Variants in KIF1A observed in about 807,000 individuals in gnomAD.
KIF1A encodes kinesin-like protein KIF1A.
A neutral mutation model predicts 227.3 loss-of-function variants in KIF1A; 46 were observed. That is an observed-to-expected ratio of 0.20 (90% confidence interval 0.16 to 0.26). The LOEUF is 0.26. KIF1A is among the 10% of genes least tolerant of loss of function. The pLI, the probability that KIF1A is intolerant of heterozygous loss-of-function variation, is 1.00. For synonymous variants in KIF1A, 1,022 were observed against 1,012.8 expected, an observed-to-expected ratio of 1.01 and a Z score of -0.17; for missense variants, 1,683 against 2,485.9, an observed-to-expected ratio of 0.68 and a Z score of 6.87.
rs886219537 is a variant in KIF1A, at chr2:240,736,278, T to C, written c.4007+785A>G. Among the ~76,000 whole-genome samples, 3 of 152,072 alleles carry C rather than the reference T, an allele frequency of 2.0e-5. No homozygotes were observed. Among genetic ancestry groups the C allele is most frequent in the Non-Finnish European group, 4.4e-5 (3 of 67,980 alleles). On this transcript the variant is annotated intron_variant, in intron 38 of 48. Transcript: ENST00000498729. This position sits in a 1 kb window ranked among gnomAD's most constrained non-coding sequence, Gnocchi z 4.7. The stretch of plus-strand genomic sequence containing the variant: ...GCTCTGAGGGTCCACTCTGGGCTTG[T>C]GCATCATGAGCCAGGTCGAGCCCCC...
In KIF1A at chr2:240,773,231, G is replaced by A. The variant is rs1225233710; in HGVS notation, c.1063C>T (p.Arg355Cys). The change falls in exon 13 of 49, where the codon CGC (arginine) becomes TGC (cysteine). Residue 355 changes from arginine (R) to cysteine (C), a missense_variant. This residue lies in a region of KIF1A where 15 missense variants were observed against 78.3 expected (regional missense o/e 0.19). Transcript: ENST00000498729. ...TCCTCATTGATGACAGCATTGCAGC[G>A]GATCTGCTTGGCCCGGTCAGCATAC... ...LRYADRAKQIRCNAVINEDPN... is the reference protein window; with the variant it reads ...LRYADRAKQICCNAVINEDPN... 7.4e-6 allele frequency: 12 copies of A among 1,613,802 alleles called. No individual in the cohort carries two copies. The highest frequency in any genetic ancestry group is 1.1e-5 in the South Asian group (1 of 91,084).
chr2:240,728,148 T>C (rs924404581), intron 38 of KIF1A, among the ~76,000 whole-genome samples: 1 of 152,276 alleles, frequency 6.6e-6, no homozygotes, highest in East Asian at 1.9e-4. Context: ...CTGCCCTGTC[T>C]ACTGCACACA....
chr2:240,781,838 C>G (rs149850515), intron 10 of KIF1A: 17,492 of 985,390 alleles, frequency 0.018, 163 homozygotes, highest in South Asian at 0.029. Context: ...CCCACTCAGT[C>G]CACACGCCTT....
Position 240,737,099 on chromosome 2 carries a change from A to G in KIF1A, c.3971T>C (p.Leu1324Pro), listed in dbSNP as rs370590820. 1 of 1,613,354 alleles carries G rather than the reference A, an allele frequency of 6.2e-7. No homozygotes were observed. Among genetic ancestry groups the G allele is most frequent in the African/African-American group, 1.3e-5 (1 of 74,806 alleles). ...IDPNILSLNILSSGYIHPAQD... is the reference protein window; with the variant it reads ...IDPNILSLNIPSSGYIHPAQD... Reference sequence around the variant, plus strand: ...GGCTGGGTGGATGTATCCGGAAGAGAGGATGTTGAGAGACAAGATGTTGGG... The same window carrying G: ...GGCTGGGTGGATGTATCCGGAAGAGGGGATGTTGAGAGACAAGATGTTGGG... Residue 1324 changes from leucine (L) to proline (P), a missense_variant, in exon 38 of 49, where the codon CTC becomes CCC. Coordinates refer to ENST00000498729, the MANE Select transcript of KIF1A (RefSeq NM_001244008.2).
At chr2:240,746,807 G>A (rs747333467) in intron 29 of KIF1A, among the ~76,000 whole-genome samples, 1 of 152,234 alleles carries the variant, frequency 6.6e-6, no homozygotes, top group African/African-American at 2.4e-5. Context: ...CATGAGGACC[G>A]CAGGTAGGCA....
intron 38 of KIF1A, among the ~76,000 whole-genome samples, chr2:240,733,031 G>A (rs1351219765): frequency 1.5e-5 from 2 of 134,300 alleles, no homozygotes; most frequent in Non-Finnish European, 3.2e-5. Context: ...GGAGGGATGA[G>A]GGGGAATGAG....
chr2:240,797,191 T>C (rs904833158), intron 2 of KIF1A, among the ~76,000 whole-genome samples: 3 of 152,196 alleles, frequency 2.0e-5, no homozygotes, highest in Non-Finnish European at 4.4e-5. Flanking sequence ...GGGAAACATA[T>C]GGGTGTCCTT....
chr2:240,775,238 C>T lies in KIF1A; in HGVS notation c.958+613G>A, dbSNP rs767321451. On this transcript the variant is annotated intron_variant, in intron 11 of 48. Transcript: ENST00000498729. This position sits in a 1 kb window ranked among gnomAD's most constrained non-coding sequence, Gnocchi z 5.5. ...CAGGGCTCTGCACACCTCAGCCATG[C>T]GGCTGAGGGAGGCCAGGGACCCCCA... is the stretch of plus-strand genomic sequence containing the variant. Among the ~76,000 whole-genome samples the T allele has an allele frequency of 3.9e-5, 6 of 152,166 alleles. No individual in the cohort carries two copies. Among genetic ancestry groups the T allele is most frequent in the South Asian group, 2.1e-4 (1 of 4,828 alleles).
chr2:240,749,651 A>G (rs2048992114), intron 28 of KIF1A, among the ~76,000 whole-genome samples: 1 of 152,178 alleles, frequency 6.6e-6, no homozygotes, highest in South Asian at 2.1e-4. Context: ...AAGCGCTCTC[A>G]CATCTGTGTT....
At chr2:240,719,998 C>T (rs1478127866) in intron 45 of KIF1A, 72 bp from the exon 46 acceptor site, 2 of 1,488,858 alleles carry the variant, frequency 1.3e-6, no homozygotes, top group South Asian at 1.3e-5. Context: ...CCAGGCTTCA[C>T]CCTCCTCAGA....
intron 10 of KIF1A, among the ~76,000 whole-genome samples, chr2:240,780,631 G>A (rs1454684101): frequency 6.6e-6 from 1 of 151,842 alleles, no homozygotes; most frequent in South Asian, 2.1e-4. Flanking sequence ...ATGTTCCCAC[G>A]CAGCTACCCT....
Position 240,757,045 on chromosome 2 carries a change from A to G in KIF1A, c.2858+274T>C, listed in dbSNP as rs1398753337. ...CCACCTGCCTGGGGCCACAGCTGCAAGCTCCGGGGTGCACTACCTCTTCTG... is the reference window on the plus strand; with the variant it reads ...CCACCTGCCTGGGGCCACAGCTGCAGGCTCCGGGGTGCACTACCTCTTCTG... On this transcript the variant is annotated intron_variant, in intron 27 of 48. Transcript: ENST00000498729. The surrounding 1 kb of genome is among the most constrained non-coding windows in gnomAD (Gnocchi z 6.2). Among the ~76,000 whole-genome samples the G allele has an allele frequency of 6.6e-6, 1 of 152,194 alleles. No homozygotes were observed. The highest frequency in any genetic ancestry group is 2.4e-5 in the African/African-American group (1 of 41,460).
At chr2:240,808,445 G>A (rs1269234983) in intron 1 of KIF1A, among the ~76,000 whole-genome samples, 1 of 151,818 alleles carries the variant, frequency 6.6e-6, no homozygotes, top group Admixed American at 6.6e-5. Flanking sequence ...GATTGCTTGA[G>A]CCCAGGAATT....
In KIF1A at chr2:240,793,449, C is replaced by T. The variant is rs1181300120; in HGVS notation, c.107-4137G>A. 2.0e-5 allele frequency among the ~76,000 whole-genome samples: 3 copies of T among 152,220 alleles called. No homozygotes were observed. The highest frequency in any genetic ancestry group is 7.2e-5 in the African/African-American group (3 of 41,458). Reference sequence around the variant, plus strand: ...CCAGGAACTCACTTCAGGGGCCGCACATGGCTGAGGGTCCGCGTCCCCAGC... The same window carrying T: ...CCAGGAACTCACTTCAGGGGCCGCATATGGCTGAGGGTCCGCGTCCCCAGC... On this transcript the variant is annotated intron_variant, in intron 2 of 48. Transcript: ENST00000498729. The surrounding 1 kb of genome is among the most constrained non-coding windows in gnomAD (Gnocchi z 4.8).
rs2050163612 is a variant in KIF1A at position 240,758,766 on chromosome 2, G to A, written c.2445-269C>T. The stretch of plus-strand genomic sequence containing the variant: ...CAGGGGGTGGGCTGGGGAACAAGCA[G>A]TGAGGGGCTAGAGGGGCTGGCGGCA... On this transcript the variant is annotated intron_variant, in intron 25 of 48. Coordinates refer to ENST00000498729, the MANE Select transcript of KIF1A (RefSeq NM_001244008.2). The surrounding 1 kb of genome is among the most constrained non-coding windows in gnomAD (Gnocchi z 5.2). 6.6e-6 allele frequency among the ~76,000 whole-genome samples: 1 copy of A among 152,198 alleles called. No homozygotes were observed. The highest frequency in any genetic ancestry group is 1.5e-5 in the Non-Finnish European group (1 of 68,038).
intron 19 of KIF1A, 131 bp from the exon 20 acceptor site, chr2:240,765,924 G>A (rs1031455806): frequency 7.5e-5 from 51 of 677,298 alleles, no homozygotes; most frequent in Non-Finnish European, 1.1e-4. Context: ...TACACAGGCC[G>A]TGACCATTGG....
At chr2:240,787,691 G>A (rs941847206) in intron 4 of KIF1A, among the ~76,000 whole-genome samples, 2 of 152,140 alleles carry the variant, frequency 1.3e-5, no homozygotes, top group African/African-American at 4.8e-5. Context: ...GAGCTGCTGG[G>A]TCTGGTGTTT....
At chr2:240,742,324 G>A (rs1255577189) in intron 34 of KIF1A, among the ~76,000 whole-genome samples, 1 of 152,132 alleles carries the variant, frequency 6.6e-6, no homozygotes, top group Admixed American at 6.5e-5. Context: ...CCTTCAGGAG[G>A]GTTTCTGGGC....
chr2:240,742,179 T>C (rs1023143052), intron 34 of KIF1A, among the ~76,000 whole-genome samples: 2 of 152,186 alleles, frequency 1.3e-5, no homozygotes, highest in African/African-American at 4.8e-5. Context: ...ACAGGGTCCT[T>C]GCAAGGCAGG....
Sources: allele counts gnomAD v4.1 joint callset (sites outside exome capture counted in the v4.1 genomes callset), GRCh38; gene constraint gnomAD v4.1.1; regional missense constraint gnomAD v4.1.1; non-coding constraint Gnocchi (gnomAD v3.1); transcripts MANE v1.5; gene names NCBI Gene and HGNC (gene_info 2026-07-23, HGNC 2026-07-21).